Variants in JMJD1C observed in about 807,000 individuals in gnomAD.
The protein encoded by JMJD1C is jumonji domain-containing protein 1C.
Under a neutral mutation model 245.3 loss-of-function variants are expected in JMJD1C, and 31 were observed. The observed-to-expected ratio is 0.13, with a 90% CI of 0.09 to 0.17. The LOEUF is 0.17. Ranked by LOEUF, JMJD1C falls within the 10% of genes least tolerant of loss-of-function variation. JMJD1C has a pLI of 1.00. For synonymous variants in JMJD1C, 1,057 were observed against 1,017.4 expected, an observed-to-expected ratio of 1.04 and a Z score of -0.74; for missense variants, 2,691 against 3,000.2, an observed-to-expected ratio of 0.90 and a Z score of 2.41.
intron 10 of JMJD1C, chr10:63,204,909 C>CA: frequency 2.0e-6 from 2 of 985,446 alleles, no homozygotes; most frequent in South Asian, 9.4e-5. Flanking sequence ...TGGGAGCCTT[C>CA]AAGCATCCAA....
At chr10:63,378,839 T>C (rs17740722) in intron 2 of JMJD1C, among the ~76,000 whole-genome samples, 30,654 of 152,130 alleles carry the variant, frequency 0.2, 4,049 homozygotes, top group Non-Finnish European at 0.29. Flanking sequence ...GTTTAAACTT[T>C]TTATATGAAC....
intron 1 of JMJD1C, among the ~76,000 whole-genome samples, chr10:63,486,833 C>G (rs1216586945): frequency 6.6e-6 from 1 of 152,162 alleles, no homozygotes; most frequent in Non-Finnish European, 1.5e-5. Flanking sequence ...CCACCTTCCA[C>G]ACCTGTGGCA....
Position 63,193,386 on chromosome 10 carries a change from A to G in JMJD1C, c.5821T>C (p.Leu1941=). Residue 1941 remains leucine (L), a synonymous_variant, in exon 15 of 26, where the codon TTA becomes CTA. Coordinates refer to ENST00000399262, the MANE Select transcript of JMJD1C (RefSeq NM_032776.3). ...SHCHCTNKQN[L]QVGNFPTMNG... ...ATTGTAGGAAAATTTCCAACTTGTA[A>G]ATTCTGTTTGTTAGTACAATGACAA... The G allele has an allele frequency of 1.9e-6, 3 of 1,605,560 alleles. No homozygotes were observed. Among genetic ancestry groups the G allele is most frequent in the Non-Finnish European group, 2.6e-6 (3 of 1,175,160 alleles).
At chr10:63,424,556 G>A (rs1326707096) in intron 1 of JMJD1C, among the ~76,000 whole-genome samples, 5 of 115,652 alleles carry the variant, frequency 4.3e-5, no homozygotes, top group Non-Finnish European at 7.5e-5. Context: ...GCCTGTGCTG[G>A]AGTACAATGA....
intron 1 of JMJD1C, among the ~76,000 whole-genome samples, chr10:63,427,094 T>C (rs1950484787): frequency 6.6e-6 from 1 of 152,172 alleles, no homozygotes; most frequent in African/African-American, 2.4e-5. Flanking sequence ...ATAACAGCAT[T>C]TGCTATACAC....
intron 1 of JMJD1C, among the ~76,000 whole-genome samples, chr10:63,421,020 G>T (rs1950096564): frequency 6.6e-6 from 1 of 152,104 alleles, no homozygotes; most frequent in African/African-American, 2.4e-5. Flanking sequence ...CACTGCCGCA[G>T]ATCTTAGACA....
intron 8 of JMJD1C, 97 bp downstream of exon 8, chr10:63,213,376 A>G (rs1847598353): frequency 3.9e-6 from 3 of 771,300 alleles, no homozygotes; most frequent in Middle Eastern, 2.5e-4. Flanking sequence ...ATATTTTATA[A>G]TAGGAAATGA....
chr10:63,222,955 G>T, intron 3 of JMJD1C: 2 of 1,480,526 alleles, frequency 1.4e-6, no homozygotes, highest in Admixed American at 3.3e-5. Flanking sequence ...TTCAAATATT[G>T]GAGATAATGT....
chr10:63,429,788 A>G (rs1432445681), intron 1 of JMJD1C, among the ~76,000 whole-genome samples: 3 of 152,328 alleles, frequency 2.0e-5, no homozygotes, highest in South Asian at 4.1e-4. Context: ...TACAAATAAG[A>G]AGGTTTATGA....
intron 2 of JMJD1C, among the ~76,000 whole-genome samples, chr10:63,327,964 C>A (rs1941719102): frequency 6.6e-6 from 1 of 151,992 alleles, no homozygotes; most frequent in Non-Finnish European, 1.5e-5. Context: ...GCCACCATGC[C>A]CGGCTGAAAT....
upstream of JMJD1C, among the ~76,000 whole-genome samples, chr10:63,468,759 C>T (rs777533788): frequency 6.6e-6 from 1 of 152,186 alleles, no homozygotes; most frequent in Non-Finnish European, 1.5e-5. Flanking sequence ...TCTTAATCTA[C>T]ACCAAAGACT....
chr10:63,175,116 T>C (rs948733578), intron 24 of JMJD1C, among the ~76,000 whole-genome samples: 1 of 152,238 alleles, frequency 6.6e-6, no homozygotes, highest in Non-Finnish European at 1.5e-5. Context: ...TATCAAAGGA[T>C]TATTCCTATG....
At position 63,214,667 on chromosome 10, in the gene JMJD1C, T is replaced by C. The variant is rs375523280; in HGVS notation, c.1500A>G (p.Val500=). Residue 500 remains valine (V), a synonymous_variant, in exon 8 of 26, where the codon GTA becomes GTG. Coordinates refer to ENST00000399262, the MANE Select transcript of JMJD1C (RefSeq NM_032776.3). ...CACATTTTGGTGTGGGTGGTCTGGA[T>C]ACAAACTTCTCCTTTGGTAGCAATT... ...TMELLPKEKF[V]SRPPTPKCVI... The C allele has an allele frequency of 4.3e-6, 7 of 1,613,978 alleles. No homozygotes were observed. Among genetic ancestry groups the C allele is most frequent in the Admixed American group, 1.7e-5 (1 of 60,008 alleles).
chr10:63,370,072 G>A (rs376316342), intron 2 of JMJD1C, among the ~76,000 whole-genome samples: 13 of 152,276 alleles, frequency 8.5e-5, no homozygotes, highest in African/African-American at 2.9e-4. Flanking sequence ...CTTCACTGAC[G>A]AAACTCACAT....
chr10:63,391,961 C>T (rs1948090513), intron 1 of JMJD1C, among the ~76,000 whole-genome samples: 1 of 152,152 alleles, frequency 6.6e-6, no homozygotes, highest in African/African-American at 2.4e-5. Context: ...CATGTACTAA[C>T]CAGGCTTTAA....
At chr10:63,485,951 C>A (rs1404685066) in intron 1 of JMJD1C, among the ~76,000 whole-genome samples, 1 of 151,734 alleles carries the variant, frequency 6.6e-6, no homozygotes, top group Non-Finnish European at 1.5e-5. Context: ...TTTAGTATCA[C>A]AAAGTGAGAA....
intron 2 of JMJD1C, chr10:63,358,681 A>T (rs910714191): frequency 6.6e-6 from 1 of 152,184 alleles, no homozygotes; most frequent in African/African-American, 2.4e-5. Context: ...GCTGTATAAA[A>T]GTTTGAACAT....
chr10:63,278,834 C>T (rs1857091623), intron 2 of JMJD1C, among the ~76,000 whole-genome samples: 1 of 134,580 alleles, frequency 7.4e-6, no homozygotes, highest in African/African-American at 3.3e-5. Flanking sequence ...AGCAAAACTC[C>T]CATCTCAAAA....
At chr10:63,433,824 T>G (rs1011747322) in intron 1 of JMJD1C, among the ~76,000 whole-genome samples, 1 of 149,026 alleles carries the variant, frequency 6.7e-6, no homozygotes, top group African/African-American at 2.5e-5. Flanking sequence ...CAAGCAATCC[T>G]CCCACCTCAG....
Sources: allele counts gnomAD v4.1 joint callset (sites outside exome capture counted in the v4.1 genomes callset), GRCh38; gene constraint gnomAD v4.1.1; transcripts MANE v1.5; gene names NCBI Gene and HGNC (gene_info 2026-07-23, HGNC 2026-07-21).